TENM2: variants seen among roughly 807,000 people sequenced by gnomAD.
The protein encoded by TENM2 is teneurin transmembrane protein 2.
A neutral mutation model predicts 245.2 loss-of-function variants in TENM2; 52 were observed. The ratio of observed to expected loss-of-function variants is 0.21; its 90% CI spans 0.17 to 0.27. The LOEUF is 0.27. TENM2 is among the 10% of genes least tolerant of loss of function. TENM2 has a pLI of 1.00. For missense variants in TENM2, 3,046 were observed against 3,666.8 expected, an observed-to-expected ratio of 0.83 and a Z score of 4.37; for synonymous variants, 1,363 against 1,438.9, an observed-to-expected ratio of 0.95 and a Z score of 1.19.
chr5:168,154,959 C>T (rs906186221), intron 12 of TENM2, among the ~76,000 whole-genome samples: 2 of 152,234 alleles, frequency 1.3e-5, no homozygotes, highest in South Asian at 2.1e-4. Context: ...CAGCTGTGGA[C>T]GTGCAGGTTC....
chr5:168,197,300 C>T (rs1581604599), intron 15 of TENM2, among the ~76,000 whole-genome samples: 2 of 152,102 alleles, frequency 1.3e-5, no homozygotes, highest in East Asian at 3.9e-4. Flanking sequence ...TGGATGAAAC[C>T]AGCGAGTCAA....
At chr5:167,794,874 G>A (rs1329297682) in intron 2 of TENM2, among the ~76,000 whole-genome samples, 2 of 152,312 alleles carry the variant, frequency 1.3e-5, no homozygotes, top group East Asian at 3.9e-4. Context: ...TACTAGTAAT[G>A]TGCTGATATT....
At chr5:167,952,383 G>A (rs1212983604) in intron 3 of TENM2, 39 of 595,230 alleles carry the variant, frequency 6.6e-5, no homozygotes, top group Non-Finnish European at 3.6e-5. Flanking sequence ...CATTTGATGC[G>A]TGTGGATAAA....
At chr5:167,532,093 G>T (rs1040565192) in intron 2 of TENM2, among the ~76,000 whole-genome samples, 4 of 152,082 alleles carry the variant, frequency 2.6e-5, no homozygotes, top group Non-Finnish European at 5.9e-5. Flanking sequence ...ACACCATGAG[G>T]CTCCTGTTAA....
chr5:167,964,876 C>A (rs892306044), intron 4 of TENM2, among the ~76,000 whole-genome samples: 4 of 152,152 alleles, frequency 2.6e-5, no homozygotes, highest in African/African-American at 9.7e-5. Context: ...ACCTCGAGAA[C>A]AATTAAAAGT....
chr5:167,963,469 A>G (rs1270186201), intron 4 of TENM2, among the ~76,000 whole-genome samples: 4 of 152,136 alleles, frequency 2.6e-5, no homozygotes, highest in Admixed American at 2.6e-4. Context: ...TCTCCAGGAG[A>G]GAGAACCATT....
At chr5:167,859,244 G>A (rs1328836035) in intron 2 of TENM2, among the ~76,000 whole-genome samples, 5 of 76,656 alleles carry the variant, frequency 6.5e-5, no homozygotes, top group Non-Finnish European at 1.1e-4. Context: ...CAACCACCCC[G>A]TCTGAGAAGT....
intron 2 of TENM2, among the ~76,000 whole-genome samples, chr5:167,480,657 G>A (rs1051937251): frequency 1.3e-5 from 2 of 152,084 alleles, no homozygotes; most frequent in African/African-American, 4.8e-5. Flanking sequence ...TTGCACCAAG[G>A]ATATGGTCAA....
chr5:168,248,386 A>G lies in TENM2; in HGVS notation c.7432+15A>G. 3 of 1,605,740 alleles carry G rather than the reference A, an allele frequency of 1.9e-6. No homozygotes were observed. Among genetic ancestry groups the G allele is most frequent in the Non-Finnish European group, 2.6e-6 (3 of 1,174,652 alleles). ...CTACGTGACAGGTGAGGATTCTGCC[A>G]CCAAAGGTGGGCAGTGGCTCCCTCC... is the stretch of plus-strand genomic sequence containing the variant. On this transcript the variant is annotated intron_variant, in intron 27 of 28. Transcript: ENST00000518659.
intron 3 of TENM2, among the ~76,000 whole-genome samples, chr5:167,900,644 A>C (rs768373294): frequency 4.6e-5 from 7 of 152,208 alleles, no homozygotes; most frequent in Non-Finnish European, 7.3e-5. Context: ...TTGAAGTGGA[A>C]GGACTGGAGG....
intron 2 of TENM2, among the ~76,000 whole-genome samples, chr5:167,768,604 G>A (rs1014666537): frequency 1.3e-5 from 2 of 152,116 alleles, no homozygotes; most frequent in Non-Finnish European, 2.9e-5. Context: ...GAGAGTGGTG[G>A]TGGGGATCCC....
the TENM2 span, among the ~76,000 whole-genome samples, chr5:167,126,658 T>A: frequency 6.6e-6 from 1 of 152,174 alleles, no homozygotes; most frequent in Non-Finnish European, 1.5e-5. Context: ...TGTAATGACA[T>A]CACCAGATAG....
intron 3 of TENM2, among the ~76,000 whole-genome samples, chr5:167,892,866 G>GA (rs1405498181): frequency 6.6e-6 from 1 of 152,014 alleles, no homozygotes; most frequent in Admixed American, 6.5e-5. Flanking sequence ...ATAATGTGTG[G>GA]AAAAAAATAC....
intron 2 of TENM2, among the ~76,000 whole-genome samples, chr5:167,515,125 G>A (rs1243362029): frequency 6.6e-6 from 1 of 152,150 alleles, no homozygotes; most frequent in Non-Finnish European, 1.5e-5. Context: ...AGGTATTTTT[G>A]CTCCTGTCCA....
At position 167,427,897 on chromosome 5, in the gene TENM2, A is replaced by G. The variant is rs13185589; in HGVS notation, c.502+52424A>G. Among the ~76,000 whole-genome samples the G allele has an allele frequency of 7.0e-3, 554 of 79,706 alleles. 2 individuals are homozygous for G. Among genetic ancestry groups the G allele is most frequent in the African/African-American group, 0.018 (218 of 12,416 alleles). The allele number at this position is 79,706 out of a possible 152,430, so 52.3% of individuals were successfully genotyped here. A position where few individuals can be genotyped will look rare whatever the true frequency, so the allele number is the denominator to read the frequency against. On this transcript the variant is annotated intron_variant, in intron 2 of 28. Coordinates refer to ENST00000518659, the Ensembl canonical transcript of TENM2. ...AAGGAAGGGAAGGAAGGAAGGACGG[A>G]AAGGAAGGGAAGGAAGGGAAGGAAG...
At chr5:168,055,694 A>T (rs1234335199) in intron 6 of TENM2, among the ~76,000 whole-genome samples, 1 of 152,216 alleles carries the variant, frequency 6.6e-6, no homozygotes, top group Non-Finnish European at 1.5e-5. Context: ...CGCAACTGAA[A>T]AAAAGTACTT....
chr5:167,261,925 A>AT, the TENM2 span, among the ~76,000 whole-genome samples: 1 of 152,122 alleles, frequency 6.6e-6, no homozygotes, highest in South Asian at 2.1e-4. Context: ...TAACAGCTCC[A>AT]TTTTGGGGTC....
intron 2 of TENM2, among the ~76,000 whole-genome samples, chr5:167,620,103 G>A (rs556952974): frequency 1.2e-4 from 19 of 152,276 alleles, no homozygotes; most frequent in African/African-American, 4.1e-4. Flanking sequence ...AACCTTCTGA[G>A]AGGTCAATAG....
At chr5:167,914,135 G>C (rs1776751234) in intron 3 of TENM2, among the ~76,000 whole-genome samples, 3 of 152,180 alleles carry the variant, frequency 2.0e-5, no homozygotes, top group Non-Finnish European at 4.4e-5. Flanking sequence ...CTACCTCTCT[G>C]AGTTGACTTG....
Sources: allele counts gnomAD v4.1 joint callset (sites outside exome capture counted in the v4.1 genomes callset), GRCh38; gene constraint gnomAD v4.1.1; transcripts MANE v1.5; gene names NCBI Gene and HGNC (gene_info 2026-07-23, HGNC 2026-07-21).